ARL15: variants seen among roughly 807,000 people sequenced by gnomAD.
The protein encoded by ARL15 is ARF like GTPase 15, also known as ADP-ribosylation factor-like protein 15.
A neutral mutation model predicts 25.2 loss-of-function variants in ARL15; 19 were observed. The ratio of observed to expected loss-of-function variants is 0.75; its 90% CI spans 0.53 to 1.10. ARL15 has a LOEUF of 1.10. Ranked by LOEUF, ARL15 falls within the 50% of genes least tolerant of loss-of-function variation. The probability of loss-of-function intolerance (pLI) is 0.00; values close to 1 mark genes in which losing one functional copy is unlikely to be tolerated. For missense variants in ARL15, 220 were observed against 246.0 expected, an observed-to-expected ratio of 0.89 and a Z score of 0.71; for synonymous variants, 94 against 86.8, an observed-to-expected ratio of 1.08 and a Z score of -0.46.
chr5:54,278,517 A>C (rs578151424), intron 1 of ARL15, among the ~76,000 whole-genome samples: 3 of 152,196 alleles, frequency 2.0e-5, no homozygotes, highest in Admixed American at 1.3e-4. Flanking sequence ...ACATCCCTAC[A>C]TTACATTAGA....
At chr5:54,021,619 C>T (rs1243790298) in intron 4 of ARL15, among the ~76,000 whole-genome samples, 1 of 152,112 alleles carries the variant, frequency 6.6e-6, no homozygotes, top group African/African-American at 2.4e-5. Context: ...TGAACAGAGC[C>T]TCAGGAACCT....
chr5:53,995,729 G>T (rs1748647552), intron 4 of ARL15, among the ~76,000 whole-genome samples: 1 of 152,126 alleles, frequency 6.6e-6, no homozygotes, highest in South Asian at 2.1e-4. Context: ...TCCCTTTTCG[G>T]GGGTTGGCCT....
At chr5:54,008,942 T>C (rs1749138875) in intron 4 of ARL15, among the ~76,000 whole-genome samples, 1 of 152,248 alleles carries the variant, frequency 6.6e-6, no homozygotes, top group African/African-American at 2.4e-5. Flanking sequence ...ACTATTTTAA[T>C]GTAAGATTAC....
rs181398715 is a variant in ARL15 at position 54,116,693 on chromosome 5, G to A, written c.254-3283C>T. Among the ~76,000 whole-genome samples, 259 of 152,250 alleles carry A rather than the reference G, an allele frequency of 1.7e-3. 2 individuals carry two copies. Among genetic ancestry groups the A allele is most frequent in the Admixed American group, 8.2e-3 (125 of 15,302 alleles). On this transcript the variant is annotated intron_variant, in intron 3 of 4. Transcript: ENST00000504924. Reference sequence around the variant, plus strand: ...ATGGTGGCTGCTCAAAGTGTTTTACGTATATTAAATCACTTACCCATGACA... The same window carrying A: ...ATGGTGGCTGCTCAAAGTGTTTTACATATATTAAATCACTTACCCATGACA...
intron 1 of ARL15, among the ~76,000 whole-genome samples, chr5:54,240,975 A>G (rs984449888): frequency 6.6e-6 from 1 of 152,254 alleles, no homozygotes; most frequent in Admixed American, 6.5e-5. Flanking sequence ...AATTGGTACT[A>G]GTTAGATATG....
rs77590248 is a variant in ARL15, at chr5:54,169,438, C to G, written c.193+2346G>C. On this transcript the variant is annotated intron_variant, in intron 2 of 4. Transcript: ENST00000504924. ...GATACCACTAAACTTCACTTGAACA[C>G]CTGAACTGGCATCCTATCTCTAGCT... Among the ~76,000 whole-genome samples, 1,483 of 152,296 alleles carry G rather than the reference C, an allele frequency of 9.7e-3. 25 individuals are homozygous for G. Among genetic ancestry groups the G allele is most frequent in the African/African-American group, 0.033 (1,356 of 41,552 alleles).
chr5:53,988,494 A>G (rs1193973242), intron 4 of ARL15, among the ~76,000 whole-genome samples: 1 of 152,128 alleles, frequency 6.6e-6, no homozygotes, highest in East Asian at 1.9e-4. Flanking sequence ...TTAGCTTCTA[A>G]AGGGTTAAGA....
intron 4 of ARL15, among the ~76,000 whole-genome samples, chr5:53,909,994 A>C (rs754933395): frequency 3.9e-5 from 6 of 152,196 alleles, no homozygotes; most frequent in Non-Finnish European, 7.3e-5. Flanking sequence ...TATCTTATCT[A>C]AGCACTTTGG....
At chr5:53,939,318 C>A (rs1746453486) in intron 4 of ARL15, among the ~76,000 whole-genome samples, 1 of 152,186 alleles carries the variant, frequency 6.6e-6, no homozygotes, top group South Asian at 2.1e-4. Flanking sequence ...CATGCTAATG[C>A]ATGCATTTCA....
intron 3 of ARL15, among the ~76,000 whole-genome samples, chr5:54,118,116 A>C (rs1713251660): frequency 6.6e-6 from 1 of 152,198 alleles, no homozygotes; most frequent in Non-Finnish European, 1.5e-5. Flanking sequence ...AACTGAGTAC[A>C]AAAAGTTCCC....
intron 4 of ARL15, among the ~76,000 whole-genome samples, chr5:53,905,132 C>T (rs1745210194): frequency 6.6e-6 from 1 of 152,152 alleles, no homozygotes; most frequent in Admixed American, 6.5e-5. Flanking sequence ...TCACACTTTT[C>T]ATCATGTCTG....
intron 3 of ARL15, among the ~76,000 whole-genome samples, chr5:54,120,025 C>T (rs568147230): frequency 3.9e-5 from 6 of 152,174 alleles, no homozygotes; most frequent in South Asian, 2.1e-4. Context: ...TGTGCATTTT[C>T]GTGTCTGATT....
At chr5:54,090,305 A>T (rs574194692) in intron 4 of ARL15, among the ~76,000 whole-genome samples, 85 of 152,204 alleles carry the variant, frequency 5.6e-4, no homozygotes, top group Non-Finnish European at 1.1e-3. Flanking sequence ...ATGAACAAAA[A>T]TAGAAGACCA....
At chr5:54,026,563 C>A (rs1668406047) in intron 4 of ARL15, among the ~76,000 whole-genome samples, 1 of 152,200 alleles carries the variant, frequency 6.6e-6, no homozygotes, top group Admixed American at 6.5e-5. Flanking sequence ...AGCCAGTGTG[C>A]CTGGCCTATA....
chr5:54,279,474 C>T (rs1309080571), intron 1 of ARL15, among the ~76,000 whole-genome samples: 2 of 152,070 alleles, frequency 1.3e-5, no homozygotes, highest in African/African-American at 2.4e-5. Flanking sequence ...GAAAGCAAGC[C>T]CTTCGGTGTC....
At position 53,913,068 on chromosome 5, in the gene ARL15, C is replaced by T. The variant is rs75854889; in HGVS notation, c.463-26355G>A. 3.6e-3 allele frequency among the ~76,000 whole-genome samples: 550 copies of T among 152,156 alleles called. 6 individuals are homozygous for T. In the East Asian group the frequency reaches 0.048, roughly 13 times the overall value. ...TAATCCCAGCACTTTCGGAGGCTGA[C>T]GCAGGAAGGTCACTTGAGGCCGGAC... On this transcript the variant is annotated intron_variant, in intron 4 of 4. Transcript: ENST00000504924.
chr5:53,907,483 TA>T (rs1316700961), intron 4 of ARL15, among the ~76,000 whole-genome samples: 690 of 33,852 alleles, frequency 0.02, 16 homozygotes, highest in African/African-American at 0.037. Flanking sequence ...TATATATATA[TA>T]TATATTTTTT....
intron 4 of ARL15, among the ~76,000 whole-genome samples, chr5:54,096,498 A>G (rs532383076): frequency 4.1e-4 from 62 of 152,190 alleles, no homozygotes; most frequent in African/African-American, 1.3e-3. Context: ...ACTGCAACCA[A>G]CTCCTGGGTT....
chr5:54,218,708 G>GCATC (rs1449254619), intron 1 of ARL15, among the ~76,000 whole-genome samples: 1 of 152,064 alleles, frequency 6.6e-6, no homozygotes, highest in Non-Finnish European at 1.5e-5. Flanking sequence ...GACGGCAATG[G>GCATC]CATCACCAGC....
Sources: gnomAD v4.1 joint callset for allele counts (sites outside exome capture counted in the v4.1 genomes callset) on GRCh38, gnomAD v4.1.1 for gene constraint, MANE v1.5 for transcripts, NCBI Gene and HGNC (gene_info 2026-07-23, HGNC 2026-07-21) for gene names.